STPG2: variants seen among roughly 807,000 people sequenced by gnomAD.
STPG2 encodes sperm-tail PG-rich repeat-containing protein 2.
In STPG2, 56 loss-of-function variants were observed where a neutral mutation model predicts 54.2. The ratio of observed to expected loss-of-function variants is 1.03; its 90% confidence interval spans 0.83 to 1.29. The LOEUF (loss-of-function observed/expected upper bound fraction) is 1.29, where lower values mean the gene tolerates loss of function less well. Among genes scored for constraint, STPG2 ranks in the 50% most tolerant of loss-of-function variants. The pLI, the probability that STPG2 is intolerant of heterozygous loss-of-function variation, is 0.00. For synonymous variants in STPG2, 200 were observed against 181.8 expected, an observed-to-expected ratio of 1.10 and a Z score of -0.81; for missense variants, 596 against 544.9, an observed-to-expected ratio of 1.09 and a Z score of -0.93.
chr4:97,565,256 A>G (rs1320205381), intron 10 of STPG2, among the ~76,000 whole-genome samples: 1 of 152,148 alleles, frequency 6.6e-6, no homozygotes, highest in Non-Finnish European at 1.5e-5. Context: ...TTCTTCACGC[A>G]GTTCTCGAGC....
intron 4 of STPG2, among the ~76,000 whole-genome samples, chr4:97,465,139 T>A (rs1441575138): frequency 6.6e-6 from 1 of 152,166 alleles, no homozygotes; most frequent in Non-Finnish European, 1.5e-5. Flanking sequence ...GCTTTCTAAT[T>A]ACCAGGCTAG....
intron 9 of STPG2, among the ~76,000 whole-genome samples, chr4:97,816,876 CTT>C (rs941463722): frequency 1.3e-5 from 2 of 149,618 alleles, no homozygotes; most frequent in East Asian, 1.9e-4. Context: ...CTCTTTCACT[CTT>C]TCTTTTTCTT....
chr4:97,908,846 C>T (rs1248979409), intron 8 of STPG2, among the ~76,000 whole-genome samples: 5 of 138,102 alleles, frequency 3.6e-5, no homozygotes, highest in South Asian at 2.3e-4. Flanking sequence ...AGGGGAACAT[C>T]ACATTCTGGG....
chr4:97,826,492 A>G (rs962156150), intron 9 of STPG2, among the ~76,000 whole-genome samples: 1 of 152,248 alleles, frequency 6.6e-6, no homozygotes, highest in Non-Finnish European at 1.5e-5. Context: ...TAAAAGCACA[A>G]CAAGTGTTAC....
At chr4:98,109,939 A>C (rs1739298638) in intron 3 of STPG2, among the ~76,000 whole-genome samples, 1 of 152,310 alleles carries the variant, frequency 6.6e-6, no homozygotes, top group South Asian at 2.1e-4. Context: ...AACCATAAAA[A>C]GTTTAAGCAC....
intron 8 of STPG2, among the ~76,000 whole-genome samples, chr4:97,920,446 A>C (rs574632002): frequency 6.6e-6 from 1 of 152,298 alleles, no homozygotes; most frequent in South Asian, 2.1e-4. Flanking sequence ...CCAAAGTAAA[A>C]GTTTCTCTAC....
chr4:98,019,584 T>C (rs1448681532), intron 5 of STPG2, among the ~76,000 whole-genome samples: 3 of 151,694 alleles, frequency 2.0e-5, no homozygotes, highest in East Asian at 1.9e-4. Context: ...GGGGATGGCA[T>C]TGAATGTATA....
At chr4:97,442,971 T>C (rs1488230984) in intron 4 of STPG2, among the ~76,000 whole-genome samples, 1 of 151,920 alleles carries the variant, frequency 6.6e-6, no homozygotes, top group East Asian at 1.9e-4. Flanking sequence ...AAATTGAGAG[T>C]TGAAAGGAAA....
At chr4:97,541,606 AT>A in intron 4 of STPG2, among the ~76,000 whole-genome samples, 1 of 152,314 alleles carries the variant, frequency 6.6e-6, no homozygotes, top group South Asian at 2.1e-4. Context: ...TCTTCACAGA[AT>A]TGGAAAAACC....
At chr4:97,701,260 A>T (rs2148997464) in intron 10 of STPG2, among the ~76,000 whole-genome samples, 1 of 152,214 alleles carries the variant, frequency 6.6e-6, no homozygotes, top group African/African-American at 2.4e-5. Flanking sequence ...TGGCACTGGG[A>T]AAATGACCAC....
intron 4 of STPG2, among the ~76,000 whole-genome samples, chr4:97,541,873 G>T (rs1335029932): frequency 5.3e-5 from 8 of 152,168 alleles, no homozygotes; most frequent in African/African-American, 1.9e-4. Flanking sequence ...AACGGGGAAA[G>T]GATTCCCTAT....
intron 7 of STPG2, among the ~76,000 whole-genome samples, chr4:97,971,030 A>T (rs940081526): frequency 2.0e-5 from 3 of 152,166 alleles, no homozygotes; most frequent in Non-Finnish European, 4.4e-5. Flanking sequence ...AGAAGACAGT[A>T]ATGCAGCCAA....
At chr4:97,609,206 TAA>T (rs1247936450) in intron 10 of STPG2, among the ~76,000 whole-genome samples, 2 of 152,122 alleles carry the variant, frequency 1.3e-5, no homozygotes, top group East Asian at 3.9e-4. Context: ...AAACGGACAG[TAA>T]AAGACAAAAA....
intron 9 of STPG2, among the ~76,000 whole-genome samples, chr4:97,798,149 A>AT (rs1311789672): frequency 3.3e-5 from 5 of 152,094 alleles, no homozygotes; most frequent in African/African-American, 7.2e-5. Flanking sequence ...GGATTCATCG[A>AT]TTTTTTGAAG....
In STPG2 at chr4:97,781,767, T is replaced by G. The variant is rs185634276; in HGVS notation, c.1204+59006A>C. Among the ~76,000 whole-genome samples, 314 of 152,194 alleles carry G rather than the reference T, an allele frequency of 2.1e-3. 3 individuals are homozygous for G. Among genetic ancestry groups the G allele is most frequent in the African/African-American group, 7.3e-3 (303 of 41,532 alleles). ...GTGGGCTTCATCCCTGGGATGCAAG[T>G]CTGGTTCAACATAGGCAAATCAATA... On this transcript the variant is annotated intron_variant, in intron 9 of 10. Coordinates refer to ENST00000295268, the MANE Select transcript of STPG2 (RefSeq NM_174952.3).
intron 5 of STPG2, among the ~76,000 whole-genome samples, chr4:98,096,121 A>C (rs901590839): frequency 3.9e-5 from 6 of 152,180 alleles, no homozygotes; most frequent in African/African-American, 1.2e-4. Context: ...TGGGCTGAGC[A>C]TGGTGGCTCA....
At chr4:97,519,936 C>T (rs1456845756) in intron 4 of STPG2, among the ~76,000 whole-genome samples, 1 of 151,986 alleles carries the variant, frequency 6.6e-6, no homozygotes, top group Non-Finnish European at 1.5e-5. Context: ...CCAGTTTTAT[C>T]TTATTTGTTG....
At chr4:97,505,435 T>C (rs1364747368) in intron 4 of STPG2, among the ~76,000 whole-genome samples, 2 of 151,904 alleles carry the variant, frequency 1.3e-5, no homozygotes, top group Non-Finnish European at 2.9e-5. Flanking sequence ...ATATTGATTA[T>C]TGAAAAATTA....
chr4:97,974,619 G>A (rs1173192432), intron 6 of STPG2, among the ~76,000 whole-genome samples: 2 of 151,994 alleles, frequency 1.3e-5, no homozygotes, highest in East Asian at 3.9e-4. Flanking sequence ...TCTCATGATA[G>A]TGAGTAAGTC....
Sources: allele counts gnomAD v4.1 joint callset (sites outside exome capture counted in the v4.1 genomes callset), GRCh38; gene constraint gnomAD v4.1.1; transcripts MANE v1.5; gene names NCBI Gene and HGNC (gene_info 2026-07-23, HGNC 2026-07-21).